The following FHIP1A variants were observed in gnomAD, a reference collection of about 807,000 sequenced individuals.
FHIP1A encodes the protein FHF complex subunit HOOK-interacting protein 1A.
A neutral mutation model predicts 88.6 loss-of-function variants in FHIP1A; 61 were observed. The observed-to-expected ratio is 0.69, with a 90% confidence interval of 0.56 to 0.85. FHIP1A has a LOEUF of 0.85. FHIP1A is among the 40% of genes least tolerant of loss of function. FHIP1A has a pLI of 0.00. For missense variants in FHIP1A, 1,154 were observed against 1,273.5 expected, an observed-to-expected ratio of 0.91 and a Z score of 1.43; for synonymous variants, 478 against 496.0, an observed-to-expected ratio of 0.96 and a Z score of 0.48.
chr4:151,577,903 A>G lies in FHIP1A; in HGVS notation c.559A>G (p.Ser187Gly), dbSNP rs769326756. The G allele has an allele frequency of 6.4e-7, 1 of 1,551,686 alleles. No homozygotes were observed. Among genetic ancestry groups the G allele is most frequent in the Non-Finnish European group, 8.7e-7 (1 of 1,146,964 alleles). ...CATTTTAGAACTCTTCTTCCACACTAGTGAAGACCAAGGCGCTGCCAACTT... is the reference window on the plus strand; with the variant it reads ...CATTTTAGAACTCTTCTTCCACACTGGTGAAGACCAAGGCGCTGCCAACTT... ...PSILELFFHT[S>G]EDQGAANFLI... is the part of the protein sequence containing the mutation. Residue 187 changes from serine to glycine, a missense_variant, in exon 5 of 14, where the codon AGT becomes GGT. Coordinates refer to ENST00000435205, the MANE Select transcript of FHIP1A (RefSeq NM_001109977.3).
chr4:151,551,005 G>T (rs548475653), intron 3 of FHIP1A, among the ~76,000 whole-genome samples: 6 of 152,320 alleles, frequency 3.9e-5, no homozygotes, highest in East Asian at 3.9e-4. Flanking sequence ...TGCCCTTAAG[G>T]GGGAGGGCTT....
chr4:151,535,555 G>A lies in FHIP1A; in HGVS notation c.-122-30583G>A, dbSNP rs550940036. ...TCTATGTGTATATCTATGTGCATAT[G>A]TGTATGTATGTCCATACTTATATGT... On this transcript the variant is annotated intron_variant, in intron 3 of 13. Transcript: ENST00000435205. Among the ~76,000 whole-genome samples the A allele has an allele frequency of 3.3e-5, 5 of 152,286 alleles. No homozygotes were observed. In the South Asian group the frequency reaches 1.0e-3, roughly 32 times the overall value.
At chr4:151,530,797 G>A (rs1158330036) in intron 3 of FHIP1A, among the ~76,000 whole-genome samples, 1 of 152,188 alleles carries the variant, frequency 6.6e-6, no homozygotes, top group Admixed American at 6.5e-5. Flanking sequence ...CTGGCTGGGT[G>A]ACCTTTGGCA....
At chr4:151,619,195 G>A (rs1049968043) in intron 7 of FHIP1A, among the ~76,000 whole-genome samples, 1 of 152,100 alleles carries the variant, frequency 6.6e-6, no homozygotes, top group Non-Finnish European at 1.5e-5. Context: ...TTTAACTATT[G>A]TACAAAAATA....
chr4:151,437,079 G>A (rs1283550302), intron 1 of FHIP1A, among the ~76,000 whole-genome samples: 3 of 152,116 alleles, frequency 2.0e-5, no homozygotes, highest in Admixed American at 6.6e-5. Context: ...AGTTGAATCC[G>A]TGGATGTGGA....
chr4:151,542,107 A>G (rs1015862928), intron 3 of FHIP1A, among the ~76,000 whole-genome samples: 20 of 152,054 alleles, frequency 1.3e-4, no homozygotes, highest in Admixed American at 7.2e-4. Flanking sequence ...TTTTTTGCCC[A>G]GTAAATTCTG....
intron 3 of FHIP1A, among the ~76,000 whole-genome samples, chr4:151,489,488 G>T (rs944938435): frequency 1.3e-5 from 2 of 152,186 alleles, no homozygotes; most frequent in Non-Finnish European, 2.9e-5. Flanking sequence ...GCGGATAGGA[G>T]TGCAGAAGCT....
At chr4:151,536,771 T>C (rs1451938811) in intron 3 of FHIP1A, among the ~76,000 whole-genome samples, 2 of 152,246 alleles carry the variant, frequency 1.3e-5, no homozygotes, top group Non-Finnish European at 2.9e-5. Flanking sequence ...TATGAACATT[T>C]GTATACGGGT....
intron 9 of FHIP1A, among the ~76,000 whole-genome samples, chr4:151,640,835 T>C (rs1261806823): frequency 6.6e-6 from 1 of 152,126 alleles, no homozygotes; most frequent in African/African-American, 2.4e-5. Context: ...ACTGCTCATA[T>C]AGTGGTGTTT....
At chr4:151,435,119 C>G (rs1386792139) in intron 1 of FHIP1A, among the ~76,000 whole-genome samples, 1 of 151,892 alleles carries the variant, frequency 6.6e-6, no homozygotes, top group African/African-American at 2.4e-5. Context: ...GGGAACATTC[C>G]AATTCTTCTA....
chr4:151,644,641 A>G (rs9307882), intron 9 of FHIP1A, among the ~76,000 whole-genome samples: 1 of 152,120 alleles, frequency 6.6e-6, no homozygotes, highest in African/African-American at 2.4e-5. Context: ...CATGAGGCAC[A>G]GTACCCCACC....
intron 9 of FHIP1A, among the ~76,000 whole-genome samples, chr4:151,645,985 T>C (rs187994969): frequency 6.6e-5 from 10 of 152,296 alleles, no homozygotes; most frequent in Admixed American, 5.9e-4. Context: ...AGGTTTACAC[T>C]ATGGAGTGGT....
chr4:151,472,262 T>G (rs181667633), intron 2 of FHIP1A, among the ~76,000 whole-genome samples: 3 of 152,292 alleles, frequency 2.0e-5, no homozygotes, highest in African/African-American at 7.2e-5. Flanking sequence ...AAAACAGCTC[T>G]TTTCCTGTCA....
At chr4:151,492,531 G>A (rs1403382668) in intron 3 of FHIP1A, among the ~76,000 whole-genome samples, 1 of 151,032 alleles carries the variant, frequency 6.6e-6, no homozygotes, top group Non-Finnish European at 1.5e-5. Flanking sequence ...GGCATAGGTT[G>A]CAATGAGCTG....
intron 1 of FHIP1A, among the ~76,000 whole-genome samples, chr4:151,438,605 C>CTTT (rs200467402): frequency 0.022 from 2,856 of 132,416 alleles, 105 homozygotes; most frequent in African/African-American, 0.075. Context: ...CGGTTTTTGC[C>CTTT]TTTTTTTTTT....
chr4:151,452,963 C>CAT (rs1387865065), intron 1 of FHIP1A, among the ~76,000 whole-genome samples: 1 of 148,500 alleles, frequency 6.7e-6, no homozygotes, highest in Admixed American at 6.7e-5. Flanking sequence ...CATACACACA[C>CAT]ACACACACAC....
Position 151,566,151 on chromosome 4 carries a change from A to G in FHIP1A, c.-109A>G. 1 of 589,604 alleles carries G rather than the reference A, an allele frequency of 1.7e-6. No homozygotes were observed. Among genetic ancestry groups the G allele is most frequent in the African/African-American group, 1.9e-5 (1 of 52,238 alleles). The allele number at this position is 589,604 out of a possible 1,614,324, so 36.5% of individuals were successfully genotyped here. A position where few individuals can be genotyped will look rare whatever the true frequency, so the allele number is the denominator to read the frequency against. On this transcript the variant is annotated 5_prime_UTR_variant, in exon 4 of 14. Coordinates refer to ENST00000435205, the MANE Select transcript of FHIP1A (RefSeq NM_001109977.3). The stretch of plus-strand genomic sequence containing the variant: ...TTGCCATTACAGGTTTTGGAAGGTG[A>G]CAATGAAATGTGAAGAAGTTACATT...
At chr4:151,430,365 C>T (rs1008429114) in intron 1 of FHIP1A, among the ~76,000 whole-genome samples, 1 of 152,224 alleles carries the variant, frequency 6.6e-6, no homozygotes, top group Non-Finnish European at 1.5e-5. Context: ...AGAACAGTCC[C>T]TGTTAGTGTG....
intron 1 of FHIP1A, among the ~76,000 whole-genome samples, chr4:151,439,015 C>T (rs1387471989): frequency 6.6e-6 from 1 of 152,072 alleles, no homozygotes; most frequent in African/African-American, 2.4e-5. Context: ...ATGAAACACC[C>T]GTGTACTCAG....
Sources: allele counts gnomAD v4.1 joint callset (sites outside exome capture counted in the v4.1 genomes callset), GRCh38; gene constraint gnomAD v4.1.1; transcripts MANE v1.5; gene names NCBI Gene and HGNC (gene_info 2026-07-23, HGNC 2026-07-21).